The following MARCHF8 variants were observed in gnomAD, a reference collection of about 807,000 sequenced individuals.
MARCHF8 encodes the protein E3 ubiquitin-protein ligase MARCHF8.
Under a neutral mutation model 51.6 loss-of-function variants are expected in MARCHF8, and 40 were observed. The observed-to-expected ratio is 0.77, with a 90% CI of 0.60 to 1.01. The LOEUF (loss-of-function observed/expected upper bound fraction) is 1.01, where lower values mean the gene tolerates loss of function less well. Among genes scored for constraint, MARCHF8 ranks in the 50% least tolerant of loss-of-function variants. The pLI is 0.00. For missense variants in MARCHF8, 685 were observed against 708.6 expected (o/e 0.97, Z 0.38); for synonymous variants, 263 against 280.3 (o/e 0.94, Z 0.62).
chr10:45,531,612 T>C (rs897025351), intron 2 of MARCHF8, among the ~76,000 whole-genome samples: 1 of 152,198 alleles, frequency 6.6e-6, no homozygotes, highest in Non-Finnish European at 1.5e-5. Flanking sequence ...ATGACCCATA[T>C]CACTGAAACT....
upstream of MARCHF8, among the ~76,000 whole-genome samples, chr10:45,539,993 G>T (rs1470451718): frequency 6.6e-6 from 1 of 152,180 alleles, no homozygotes; most frequent in African/African-American, 2.4e-5. Flanking sequence ...ACTTACAAGG[G>T]ATGTGAAGGA....
At chr10:45,499,067 TAGC>T (rs1045739156) in intron 2 of MARCHF8, among the ~76,000 whole-genome samples, 1 of 152,192 alleles carries the variant, frequency 6.6e-6, no homozygotes, top group African/African-American at 2.4e-5. Context: ...ACATTCCTAT[TAGC>T]AGTGCACAAT....
At chr10:45,572,797 A>G (rs2044446066) in intron 1 of MARCHF8, among the ~76,000 whole-genome samples, 1 of 151,874 alleles carries the variant, frequency 6.6e-6, no homozygotes, top group Non-Finnish European at 1.5e-5. Flanking sequence ...CTTTTCTGGT[A>G]GAGACATAGG....
intron 2 of MARCHF8, among the ~76,000 whole-genome samples, chr10:45,511,620 G>A (rs923434759): frequency 6.6e-6 from 1 of 152,222 alleles, no homozygotes; most frequent in African/African-American, 2.4e-5. Flanking sequence ...GTGTTGGCCG[G>A]GCTGGTCTCC....
At position 45,458,050 on chromosome 10, in the gene MARCHF8, C is replaced by T. The variant is rs1564459807; in HGVS notation, c.*189G>A. On this transcript the variant is annotated 3_prime_UTR_variant, in exon 8 of 8. Coordinates refer to ENST00000453424, the MANE Select transcript of MARCHF8 (RefSeq NM_001282866.2). ...ACAGAGCTGCCAGGCAGAGGCAGGA[C>T]CCAGGCATGCCTGGCCCACAGGAAG... 16 of 604,006 alleles carry T rather than the reference C, an allele frequency of 2.6e-5. No individual in the cohort carries two copies. Among genetic ancestry groups the T allele is most frequent in the Non-Finnish European group, 3.9e-5 (14 of 358,832 alleles). 37.4% of individuals were successfully genotyped at this position (604,006 alleles called of 1,614,324 possible).
intron 6 of MARCHF8, among the ~76,000 whole-genome samples, chr10:45,460,627 G>A (rs1029336846): frequency 6.6e-6 from 1 of 152,190 alleles, no homozygotes; most frequent in African/African-American, 2.4e-5. Context: ...ATTTAAACAG[G>A]AAGCCAGTGT....
intron 2 of MARCHF8, among the ~76,000 whole-genome samples, chr10:45,498,868 T>C (rs1362619669): frequency 6.6e-6 from 1 of 152,242 alleles, no homozygotes; most frequent in Non-Finnish European, 1.5e-5. Flanking sequence ...GACACTTGTA[T>C]TGCTTCCACC....
intron 1 of MARCHF8, among the ~76,000 whole-genome samples, chr10:45,558,114 T>A (rs1178295539): frequency 6.6e-6 from 1 of 152,144 alleles, no homozygotes; most frequent in Non-Finnish European, 1.5e-5. Context: ...TCAAAATCAT[T>A]TTCATACATT....
chr10:45,485,513 T>C (rs1464128643), intron 3 of MARCHF8, among the ~76,000 whole-genome samples: 6 of 152,168 alleles, frequency 3.9e-5, no homozygotes, highest in African/African-American at 1.4e-4. Flanking sequence ...AGCTGCCCAC[T>C]TTGAAGAGAG....
chr10:45,510,273 T>C (rs1263414526), intron 2 of MARCHF8, among the ~76,000 whole-genome samples: 2 of 152,100 alleles, frequency 1.3e-5, no homozygotes, highest in East Asian at 3.9e-4. Flanking sequence ...GAAAATGAAT[T>C]CTATTATTTA....
At chr10:45,510,142 G>A (rs2043469413) in intron 2 of MARCHF8, among the ~76,000 whole-genome samples, 2 of 152,140 alleles carry the variant, frequency 1.3e-5, no homozygotes, top group African/African-American at 4.8e-5. Context: ...GATGCTTTCA[G>A]CTTGTGCACA....
chr10:45,538,309 T>G (rs918250680), upstream of MARCHF8, among the ~76,000 whole-genome samples: 12 of 152,126 alleles, frequency 7.9e-5, no homozygotes, highest in Non-Finnish European at 1.2e-4. Context: ...AAAGAGCTCC[T>G]GAAGGAAGCA....
At chr10:45,548,032 C>T (rs1477262536) in intron 1 of MARCHF8, among the ~76,000 whole-genome samples, 3 of 152,188 alleles carry the variant, frequency 2.0e-5, no homozygotes, top group Non-Finnish European at 4.4e-5. Context: ...AGCCCACATC[C>T]TTATGTTCTT....
Position 45,591,336 on chromosome 10 carries a change from G to A in MARCHF8, c.-79+2899C>T, listed in dbSNP as rs115092201. 6.7e-3 allele frequency among the ~76,000 whole-genome samples: 1,025 copies of A among 152,272 alleles called. 9 individuals are homozygous for A. The highest frequency in any genetic ancestry group is 0.023 in the African/African-American group (975 of 41,568). ...AAAAATTAGTAGGGCATGGTGGCGTGTGCCCATAGTCCTAGCTACTTGGGA... is the reference window on the plus strand; with the variant it reads ...AAAAATTAGTAGGGCATGGTGGCGTATGCCCATAGTCCTAGCTACTTGGGA... On this transcript the variant is annotated intron_variant, in intron 1 of 6. Transcript: ENST00000319836.
intron 1 of MARCHF8, among the ~76,000 whole-genome samples, chr10:45,571,042 T>C (rs1326264907): frequency 1.3e-5 from 2 of 152,198 alleles, no homozygotes; most frequent in Non-Finnish European, 2.9e-5. Flanking sequence ...CAGGCACTTT[T>C]ATAGAAATTA....
chr10:45,548,718 T>C (rs2044157880), intron 1 of MARCHF8, among the ~76,000 whole-genome samples: 1 of 152,138 alleles, frequency 6.6e-6, no homozygotes, highest in Non-Finnish European at 1.5e-5. Flanking sequence ...ATAGTCTGCG[T>C]TTGGCCAGGC....
At chr10:45,497,693 A>G (rs1002269906) in intron 2 of MARCHF8, among the ~76,000 whole-genome samples, 1 of 152,228 alleles carries the variant, frequency 6.6e-6, no homozygotes, top group African/African-American at 2.4e-5. Context: ...CAGTAAATCA[A>G]AAAAGAACTC....
chr10:45,492,690 C>G (rs2043105652), intron 2 of MARCHF8, among the ~76,000 whole-genome samples: 1 of 152,192 alleles, frequency 6.6e-6, no homozygotes, highest in African/African-American at 2.4e-5. Flanking sequence ...AGTCCCAAAA[C>G]TCATTCAAAT....
intron 2 of MARCHF8, among the ~76,000 whole-genome samples, chr10:45,522,950 G>T (rs1327597439): frequency 1.3e-5 from 2 of 152,032 alleles, no homozygotes; most frequent in Non-Finnish European, 2.9e-5. Flanking sequence ...CCTCAACGTG[G>T]GCAACAGAAT....
Sources: gnomAD v4.1 joint callset for allele counts (sites outside exome capture counted in the v4.1 genomes callset) on GRCh38, gnomAD v4.1.1 for gene constraint, MANE v1.5 for transcripts, NCBI Gene and HGNC (gene_info 2026-07-23, HGNC 2026-07-21) for gene names.